PDZK1: variants seen among roughly 807,000 people sequenced by gnomAD.
The protein encoded by PDZK1 is PDZ domain containing 1.
Under a neutral mutation model 38.1 loss-of-function variants are expected in PDZK1, and 23 were observed. The observed-to-expected ratio is 0.60, with a 90% CI of 0.43 to 0.85. The LOEUF (loss-of-function observed/expected upper bound fraction) is 0.85. Among genes scored for constraint, PDZK1 ranks in the 40% least tolerant of loss-of-function variants. PDZK1 has a pLI of 0.00. For synonymous variants in PDZK1, 98 were observed against 186.2 expected, an observed-to-expected ratio of 0.53 and a Z score of 3.86; for missense variants, 297 against 504.3, an observed-to-expected ratio of 0.59 and a Z score of 3.94.
At chr1:145,692,614 G>A (rs1011913776) in intron 1 of PDZK1, among the ~76,000 whole-genome samples, 2 of 152,112 alleles carry the variant, frequency 1.3e-5, no homozygotes, top group South Asian at 4.1e-4. Flanking sequence ...GGGAGGCTGG[G>A]GAAGGGGAAT....
chr1:145,681,384 G>A (rs587655798), intron 4 of PDZK1, among the ~76,000 whole-genome samples: 9 of 148,068 alleles, frequency 6.1e-5, no homozygotes, highest in Admixed American at 2.0e-4. Flanking sequence ...CCGGGTTCAC[G>A]CCATTCTCCT....
chr1:145,672,387 A>C, intron 8 of PDZK1, among the ~76,000 whole-genome samples: 1 of 150,508 alleles, frequency 6.6e-6, no homozygotes, highest in African/African-American at 2.4e-5. Flanking sequence ...GAACAAATAA[A>C]TCCATTTCCC....
chr1:145,688,119 A>T, intron 1 of PDZK1, 96 bp from the exon 2 acceptor site: 1 of 1,063,032 alleles, frequency 9.4e-7, no homozygotes, highest in Non-Finnish European at 1.4e-6. Context: ...TGTTCTTCCA[A>T]TCACCAAATC....
At chr1:145,683,963 C>T (rs1409126007) in intron 3 of PDZK1, among the ~76,000 whole-genome samples, 1 of 151,916 alleles carries the variant, frequency 6.6e-6, no homozygotes, top group Non-Finnish European at 1.5e-5. Flanking sequence ...TCTCCTGCCT[C>T]AGCCTCTCGA....
intron 1 of PDZK1, among the ~76,000 whole-genome samples, chr1:145,700,856 C>T (rs1553704866): frequency 6.6e-6 from 1 of 152,140 alleles, no homozygotes; most frequent in African/African-American, 2.4e-5. Context: ...CAGAGCCTCT[C>T]CCCACAAGGC....
chr1:145,700,984 C>T (rs1655924546), intron 1 of PDZK1, among the ~76,000 whole-genome samples: 1 of 152,014 alleles, frequency 6.6e-6, no homozygotes, highest in African/African-American at 2.4e-5. Context: ...ACAGGAGGAT[C>T]ACCTGAGGTC....
intron 3 of PDZK1, among the ~76,000 whole-genome samples, chr1:145,684,169 T>C (rs782810168): frequency 6.7e-6 from 1 of 149,264 alleles, no homozygotes; most frequent in Non-Finnish European, 1.5e-5. Flanking sequence ...CTCTTTGTCA[T>C]ATCTGAACTG....
In PDZK1 at chr1:145,693,892, A is replaced by T. The variant is rs1372603401; in HGVS notation, c.-2-5869T>A. 4.6e-5 allele frequency among the ~76,000 whole-genome samples: 7 copies of T among 152,078 alleles called. No homozygotes were observed. In the South Asian group the frequency reaches 1.2e-3, roughly 27 times the overall value. On this transcript the variant is annotated intron_variant, in intron 1 of 8. Transcript: ENST00000417171. ...GAGATTGAATGAACTAATCACAGCC[A>T]CCCTGGGCTCACCTTTATCCAACTT...
chr1:145,686,660 C>T lies in PDZK1; in HGVS notation c.277G>A (p.Glu93Lys), dbSNP rs782252595. ...TCCACCCGTGTTTTCACTGCTTTCTCATAGGAATCCCCATCCAGAACTAGT... is the reference window on the plus strand; with the variant it reads ...TCCACCCGTGTTTTCACTGCTTTCTTATAGGAATCCCCATCCAGAACTAGT... ...TLLVLDGDSY[E>K]KAVKTRVDLK... is the part of the protein sequence containing the mutation. Residue 93 changes from glutamate to lysine, a missense_variant, in exon 3 of 9, where the codon GAG becomes AAG. Glu to Lys is a moderately conservative substitution (Grantham distance 56). Coordinates refer to ENST00000417171, the MANE Select transcript of PDZK1 (RefSeq NM_001201325.2). 6.3e-7 allele frequency: 1 copy of T among 1,585,082 alleles called. No homozygotes were observed. Among genetic ancestry groups the T allele is most frequent in the Non-Finnish European group, 8.6e-7 (1 of 1,159,166 alleles).
chr1:145,673,226 T>TATAA (rs1317668346), intron 7 of PDZK1, among the ~76,000 whole-genome samples: 1 of 152,188 alleles, frequency 6.6e-6, no homozygotes, highest in East Asian at 1.9e-4. Context: ...TTAGTGGTAT[T>TATAA]ATAAATAGTG....
chr1:145,698,038 C>A (rs1655740060), intron 1 of PDZK1, among the ~76,000 whole-genome samples: 1 of 151,568 alleles, frequency 6.6e-6, no homozygotes, highest in South Asian at 2.1e-4. Context: ...TCTCCAGGGG[C>A]AGAAGAGAAG....
chr1:145,677,705 C>T (rs1216037775), intron 6 of PDZK1, among the ~76,000 whole-genome samples: 1 of 149,256 alleles, frequency 6.7e-6, no homozygotes, highest in Non-Finnish European at 1.5e-5. Flanking sequence ...CTTCGGTTTC[C>T]TAATCTATGA....
chr1:145,681,317 C>CT (rs1385125047), intron 4 of PDZK1, among the ~76,000 whole-genome samples: 2 of 144,336 alleles, frequency 1.4e-5, no homozygotes, highest in Admixed American at 1.4e-4. Flanking sequence ...GAGTGTCACT[C>CT]TTTCGCCCAG....
chr1:145,676,372 T>C (rs1164215280), intron 6 of PDZK1, among the ~76,000 whole-genome samples: 1 of 151,910 alleles, frequency 6.6e-6, no homozygotes, highest in Non-Finnish European at 1.5e-5. Context: ...GCAGCTTCAG[T>C]TGGTTCTTAA....
chr1:145,679,284 CT>C, intron 5 of PDZK1, among the ~76,000 whole-genome samples: 1 of 151,844 alleles, frequency 6.6e-6, no homozygotes, highest in African/African-American at 2.4e-5. Context: ...AAAATCAGCT[CT>C]GCCCATTCTC....
chr1:145,682,805 A>G (rs1383418451), intron 3 of PDZK1, among the ~76,000 whole-genome samples, 169 bp from the exon 4 acceptor site: 1 of 152,166 alleles, frequency 6.6e-6, no homozygotes, highest in Admixed American at 6.5e-5. Context: ...GTTATCACGC[A>G]AATTATAGGC....
chr1:145,703,675 A>T (rs991218308), intron 1 of PDZK1, among the ~76,000 whole-genome samples: 3 of 152,124 alleles, frequency 2.0e-5, no homozygotes, highest in Non-Finnish European at 4.4e-5. Context: ...ACAGCAGGAG[A>T]TGCATTCCCA....
rs1281211828 is a variant in PDZK1, at chr1:145,675,397, G to A, written c.991-1516C>T. Among the ~76,000 whole-genome samples the A allele has an allele frequency of 9.2e-5, 13 of 141,222 alleles. No individual in the cohort carries two copies. The East Asian group carries it at 1.6e-3, about 18-fold the overall frequency. 92.6% of individuals were successfully genotyped at this position (141,222 alleles called of 152,430 possible). On this transcript the variant is annotated intron_variant, in intron 6 of 8. Transcript: ENST00000417171. ...CACAGTGTGGGCTCTACTTCAAATC[G>A]CACTGTTTAGCAGCCTGACTAAAAT...
Position 145,681,122 on chromosome 1 carries a change from A to G in PDZK1, c.598-15T>C, listed in dbSNP as rs1654201464. 2.0e-6 allele frequency: 1 copy of G among 510,686 alleles called. No homozygotes were observed. Among genetic ancestry groups the G allele is most frequent in the African/African-American group, 2.6e-5 (1 of 37,808 alleles). The allele number at this position is 510,686 out of a possible 1,614,324, so 31.6% of individuals were successfully genotyped here. ...GACTTCTTCACCTGTAACAACACAC[A>G]CAGATGAGGAATGACATCAACCCCC... On this transcript the variant is annotated splice_polypyrimidine_tract_variant and intron_variant, in intron 4 of 8. Coordinates refer to ENST00000417171, the MANE Select transcript of PDZK1 (RefSeq NM_001201325.2).
Sources: allele counts gnomAD v4.1 joint callset (sites outside exome capture counted in the v4.1 genomes callset), GRCh38; gene constraint gnomAD v4.1.1; transcripts MANE v1.5; gene names NCBI Gene and HGNC (gene_info 2026-07-23, HGNC 2026-07-21).